Variants in NCKAP1 observed in about 807,000 individuals in gnomAD.
NCKAP1 encodes the protein nck-associated protein 1.
A neutral mutation model predicts 151.2 loss-of-function variants in NCKAP1; 21 were observed. The ratio of observed to expected loss-of-function variants is 0.14; its 90% confidence interval spans 0.10 to 0.20. The LOEUF (loss-of-function observed/expected upper bound fraction) is 0.20. Among genes scored for constraint, NCKAP1 ranks in the 10% least tolerant of loss-of-function variants. The pLI, the probability that NCKAP1 is intolerant of heterozygous loss-of-function variation, is 1.00. For missense variants in NCKAP1, 933 were observed against 1,352.1 expected, an observed-to-expected ratio of 0.69 and a Z score of 4.86; for synonymous variants, 484 against 451.8, an observed-to-expected ratio of 1.07 and a Z score of -0.90.
chr2:182,961,443 G>A (rs959016703), intron 18 of NCKAP1, among the ~76,000 whole-genome samples: 27 of 152,148 alleles, frequency 1.8e-4, no homozygotes, highest in African/African-American at 6.3e-4. Flanking sequence ...CATGGGTGAA[G>A]CTGGAAACCA....
intron 23 of NCKAP1, among the ~76,000 whole-genome samples, chr2:182,945,926 A>G (rs953701834): frequency 6.6e-6 from 1 of 152,214 alleles, no homozygotes; most frequent in African/African-American, 2.4e-5. Flanking sequence ...CATCGACAAT[A>G]GACTCAATAA....
intron 2 of NCKAP1, among the ~76,000 whole-genome samples, chr2:183,004,760 T>C (rs1220080938): frequency 6.6e-6 from 1 of 151,826 alleles, no homozygotes. Flanking sequence ...GGCGCATGCC[T>C]GTAATCCCAG....
intron 24 of NCKAP1, among the ~76,000 whole-genome samples, chr2:182,937,579 G>A (rs1437259038): frequency 6.6e-6 from 1 of 152,082 alleles, no homozygotes; most frequent in Non-Finnish European, 1.5e-5. Context: ...TGAGGGTGTT[G>A]TTCAGGGTTT....
intron 2 of NCKAP1, among the ~76,000 whole-genome samples, chr2:183,006,002 T>C (rs996321329): frequency 6.6e-6 from 1 of 152,232 alleles, no homozygotes; most frequent in African/African-American, 2.4e-5. Context: ...TATCACTTTC[T>C]ATCTTCTATT....
At chr2:183,017,843 T>A (rs1451890721) in intron 2 of NCKAP1, among the ~76,000 whole-genome samples, 1 of 152,134 alleles carries the variant, frequency 6.6e-6, no homozygotes, top group African/African-American at 2.4e-5. Context: ...AGGTAAATGT[T>A]AAGTTAACAG....
chr2:182,952,642 A>G (rs1697237314), intron 22 of NCKAP1, 140 bp from the exon 23 acceptor site: 1 of 1,130,744 alleles, frequency 8.8e-7, no homozygotes, highest in Non-Finnish European at 1.2e-6. Flanking sequence ...GAGAGAATAC[A>G]AAATGCAAAA....
Position 183,030,895 on chromosome 2 carries a change from G to C in NCKAP1, c.109-6979C>G, listed in dbSNP as rs1698992884. 2.6e-5 allele frequency among the ~76,000 whole-genome samples: 4 copies of C among 152,170 alleles called. No homozygotes were observed. In the South Asian group the frequency reaches 8.3e-4, roughly 32 times the overall value. On this transcript the variant is annotated intron_variant, in intron 1 of 30. Coordinates refer to ENST00000361354, the MANE Select transcript of NCKAP1 (RefSeq NM_013436.5). ...CAAATTCATCAGTAGTTAGCTTTCC[G>C]ATTATTTTTTTCCTCCTGTGTTATG...
intron 17 of NCKAP1, among the ~76,000 whole-genome samples, chr2:182,962,685 T>C (rs1230355915): frequency 6.6e-6 from 1 of 152,110 alleles, no homozygotes; most frequent in African/African-American, 2.4e-5. Flanking sequence ...TCTCTATAAA[T>C]GTATAAATTG....
intron 14 of NCKAP1, among the ~76,000 whole-genome samples, chr2:182,978,031 G>A (rs1697860956): frequency 6.6e-6 from 1 of 152,144 alleles, no homozygotes; most frequent in Admixed American, 6.5e-5. Context: ...ATTTACAGGA[G>A]TTTGAATAGA....
chr2:183,005,156 C>G (rs1649066908), intron 2 of NCKAP1, among the ~76,000 whole-genome samples: 1 of 152,044 alleles, frequency 6.6e-6, no homozygotes, highest in African/African-American at 2.4e-5. Context: ...AGTCCTTTTT[C>G]CTGCTTTTCA....
chr2:183,037,520 T>C (rs978137321), intron 1 of NCKAP1, among the ~76,000 whole-genome samples: 6 of 152,212 alleles, frequency 3.9e-5, no homozygotes, highest in African/African-American at 9.6e-5. Flanking sequence ...AGCCCTTCTC[T>C]ACCCACATTC....
intron 23 of NCKAP1, among the ~76,000 whole-genome samples, chr2:182,945,634 T>C (rs1356851469): frequency 6.6e-6 from 1 of 152,216 alleles, no homozygotes; most frequent in African/African-American, 2.4e-5. Flanking sequence ...TTTAGAAATG[T>C]TTCCTATCAA....
intron 9 of NCKAP1, among the ~76,000 whole-genome samples, chr2:182,987,058 A>G (rs1366223550): frequency 6.6e-6 from 1 of 152,112 alleles, no homozygotes; most frequent in African/African-American, 2.4e-5. Context: ...CCTGGCCAAC[A>G]TGGTGAAACC....
At chr2:183,032,895 C>CA (rs1229867119) in intron 1 of NCKAP1, among the ~76,000 whole-genome samples, 1 of 151,954 alleles carries the variant, frequency 6.6e-6, no homozygotes, top group African/African-American at 2.4e-5. Flanking sequence ...AAAAAAAATA[C>CA]AAAAATTAGC....
At chr2:182,940,975 A>G (rs778545434) in intron 24 of NCKAP1, among the ~76,000 whole-genome samples, 4 of 152,256 alleles carry the variant, frequency 2.6e-5, no homozygotes, top group Non-Finnish European at 5.9e-5. Flanking sequence ...ATAGCCTAAT[A>G]AAGTGATTCT....
At chr2:182,982,953 T>C (rs368933346) in intron 11 of NCKAP1, 26 bp from the exon 12 acceptor site, 7 of 1,509,902 alleles carry the variant, frequency 4.6e-6, no homozygotes, top group African/African-American at 1.4e-5. Flanking sequence ...TAAGTGTTTA[T>C]TCTTATTCAA....
intron 8 of NCKAP1, among the ~76,000 whole-genome samples, chr2:182,989,611 T>A (rs977552042): frequency 6.6e-6 from 1 of 151,826 alleles, no homozygotes; most frequent in African/African-American, 2.4e-5. Flanking sequence ...CTGCGGGAGG[T>A]TGAAGTGGGA....
chr2:182,978,492 A>G (rs1697870920), intron 14 of NCKAP1, among the ~76,000 whole-genome samples: 2 of 152,202 alleles, frequency 1.3e-5, no homozygotes, highest in Non-Finnish European at 1.5e-5. Flanking sequence ...GATAATATAT[A>G]TGTAAAGTGC....
intron 18 of NCKAP1, 21 bp downstream of exon 18, chr2:182,962,138 T>G: frequency 6.4e-7 from 1 of 1,566,902 alleles, no homozygotes; most frequent in Non-Finnish European, 8.6e-7. Flanking sequence ...TCCTATCTGT[T>G]GGAAACACTT....
Sources: allele counts gnomAD v4.1 joint callset (sites outside exome capture counted in the v4.1 genomes callset), GRCh38; gene constraint gnomAD v4.1.1; transcripts MANE v1.5; gene names NCBI Gene and HGNC (gene_info 2026-07-23, HGNC 2026-07-21).